Variants in FNBP1 observed in about 807,000 individuals in gnomAD.
FNBP1 encodes formin binding protein 1.
Under a neutral mutation model 90.6 loss-of-function variants are expected in FNBP1, and 26 were observed. The observed-to-expected ratio is 0.29, with a 90% confidence interval of 0.21 to 0.40. FNBP1 has a LOEUF of 0.40. Ranked by LOEUF, FNBP1 falls within the 10% of genes least tolerant of loss-of-function variation. FNBP1 has a pLI of 1.00. For synonymous variants in FNBP1, 260 were observed against 265.2 expected, an observed-to-expected ratio of 0.98 and a Z score of 0.19; for missense variants, 635 against 768.0, an observed-to-expected ratio of 0.83 and a Z score of 2.05.
At chr9:130,053,100 G>A in the FNBP1 span, among the ~76,000 whole-genome samples, 1 of 152,220 alleles carries the variant, frequency 6.6e-6, no homozygotes, top group South Asian at 2.1e-4. Flanking sequence ...TGGGTGACAA[G>A]AGCTAGACTC....
intron 11 of FNBP1, chr9:129,910,065 G>A (rs2038958588): frequency 2.2e-6 from 1 of 454,036 alleles, no homozygotes; most frequent in Admixed American, 2.4e-5. Context: ...TTTACACTGT[G>A]CATGAGCTTT....
intron 1 of FNBP1, among the ~76,000 whole-genome samples, chr9:130,010,943 A>G (rs1564568757): frequency 6.6e-6 from 1 of 151,518 alleles, no homozygotes; most frequent in African/African-American, 2.4e-5. Flanking sequence ...CTCAAGATAG[A>G]CATGGGATTA....
In FNBP1 at chr9:129,888,030, A is replaced by G. The variant is rs779987349; in HGVS notation, c.*2509T>C. On this transcript the variant is annotated 3_prime_UTR_variant, in exon 17 of 17. Transcript: ENST00000446176. ...CATGGAGCCACGCAGACTGGCCCGG[A>G]AGCAACACCCAGGTTCAACATTTAA... is the stretch of plus-strand genomic sequence containing the variant. 1.0e-4 allele frequency: 24 copies of G among 232,742 alleles called. No homozygotes were observed. Among genetic ancestry groups the G allele is most frequent in the Non-Finnish European group, 1.4e-4 (16 of 117,782 alleles). The allele number at this position is 232,742 out of a possible 1,614,324, so 14.4% of individuals were successfully genotyped here. A position where few individuals can be genotyped will look rare whatever the true frequency, so the allele number is the denominator to read the frequency against.
At chr9:129,908,196 C>T (rs902833814) in intron 12 of FNBP1, among the ~76,000 whole-genome samples, 4 of 89,624 alleles carry the variant, frequency 4.5e-5, no homozygotes, top group African/African-American at 1.5e-4. Context: ...CAAGGCTGGT[C>T]TCTCTCTCTT....
intron 9 of FNBP1, among the ~76,000 whole-genome samples, chr9:129,924,739 T>C (rs1408460758): frequency 6.6e-6 from 1 of 152,078 alleles, no homozygotes; most frequent in Non-Finnish European, 1.5e-5. Context: ...TCTGTTAGTG[T>C]GGGAGTCACG....
intron 6 of FNBP1, among the ~76,000 whole-genome samples, chr9:129,930,108 T>C (rs540567851): frequency 6.6e-6 from 1 of 152,004 alleles, no homozygotes; most frequent in African/African-American, 2.4e-5. Flanking sequence ...TCACCCAGGC[T>C]GGAGTGCAGT....
intron 1 of FNBP1, among the ~76,000 whole-genome samples, chr9:130,036,902 G>A (rs1004279249): frequency 2.7e-4 from 36 of 132,126 alleles, no homozygotes; most frequent in African/African-American, 9.0e-4. Flanking sequence ...AAAATTAGCC[G>A]GGCGCGGTGG....
At chr9:129,918,858 T>A in intron 10 of FNBP1, among the ~76,000 whole-genome samples, 1 of 145,048 alleles carries the variant, frequency 6.9e-6, no homozygotes, top group Non-Finnish European at 1.5e-5. Flanking sequence ...TTACCAGAAC[T>A]AGAATGAAAA....
In FNBP1 at chr9:129,923,907, A is replaced by G. The variant is rs4836680; in HGVS notation, c.1107T>C (p.His369=). Residue 369 remains histidine (H), a synonymous_variant, in exon 10 of 17, where the codon CAT becomes CAC. Transcript: ENST00000446176. ...SPKQQKEPLS[H]RFNEFMTSKP... The stretch of plus-strand genomic sequence containing the variant: ...TGGAGGTCATGAACTCGTTGAAGCG[A>G]TGGGAGAGGGGTTCCTTTTGCTGCT... 1 allele frequency: 1,598,355 copies of G among 1,598,774 alleles called. 798,971 individuals are homozygous for G. The highest frequency in any genetic ancestry group is 1 in the Non-Finnish European group (1,174,646 of 1,174,648).
intron 1 of FNBP1, among the ~76,000 whole-genome samples, chr9:130,001,858 T>C (rs1280693987): frequency 1.3e-5 from 2 of 151,666 alleles, no homozygotes; most frequent in Non-Finnish European, 2.9e-5. Context: ...ACCCCATCTC[T>C]ACAAAAATAC....
intron 11 of FNBP1, among the ~76,000 whole-genome samples, chr9:129,914,755 G>GTGTGTATATATATA (rs71499203): frequency 2.5e-4 from 25 of 98,430 alleles, no homozygotes; most frequent in Non-Finnish European, 4.8e-4. Flanking sequence ...ACATACATAT[G>GTGTGTATATATATA]TCTATATATA....
Position 129,895,988 on chromosome 9 carries a change from C to T in FNBP1, c.1696G>A (p.Glu566Lys). 1 of 1,607,768 alleles carries T rather than the reference C, an allele frequency of 6.2e-7. No homozygotes were observed. The highest frequency in any genetic ancestry group is 8.5e-7 in the Non-Finnish European group (1 of 1,177,806). The change falls in exon 16 of 17, where the codon GAA (glutamate) becomes AAA (lysine). Residue 566 changes from glutamate (E) to lysine (K), a missense_variant. Physicochemically the swap from Glu to Lys is moderately conservative, Grantham distance 56 (BLOSUM62 1). Coordinates refer to ENST00000446176, the MANE Select transcript of FNBP1 (RefSeq NM_015033.3). ...CCTTCAACTACGGAAATCGTTCCTTCATTCTGACCTGAAAAAGCAATATCA... is the reference window on the plus strand; with the variant it reads ...CCTTCAACTACGGAAATCGTTCCTTTATTCTGACCTGAAAAAGCAATATCA... ...KALYTFEGQN[E>K]GTISVVEGET...
intron 1 of FNBP1, among the ~76,000 whole-genome samples, chr9:129,999,739 T>C (rs1344874103): frequency 1.3e-5 from 2 of 152,180 alleles, no homozygotes; most frequent in Non-Finnish European, 2.9e-5. Flanking sequence ...CCATTACCAT[T>C]ACATGTTAAT....
intron 11 of FNBP1, among the ~76,000 whole-genome samples, chr9:129,914,755 G>GTGTGTATATATATATATATATA (rs71499203): frequency 2.0e-5 from 2 of 98,434 alleles, no homozygotes; most frequent in Non-Finnish European, 4.2e-5. Flanking sequence ...ACATACATAT[G>GTGTGTATATATATATATATATA]TCTATATATA....
chr9:129,988,207 G>A (rs2052585933), intron 2 of FNBP1, among the ~76,000 whole-genome samples: 1 of 151,808 alleles, frequency 6.6e-6, no homozygotes, highest in Non-Finnish European at 1.5e-5. Flanking sequence ...TTCTGGAAAG[G>A]GACTGGAGAT....
intron 1 of FNBP1, among the ~76,000 whole-genome samples, chr9:130,028,319 C>T (rs1353887190): frequency 6.6e-6 from 1 of 152,176 alleles, no homozygotes; most frequent in Admixed American, 6.5e-5. Flanking sequence ...ACAGAAATCT[C>T]AGTCAACAAG....
intron 4 of FNBP1, among the ~76,000 whole-genome samples, chr9:129,958,978 T>C (rs2047357467): frequency 8.8e-4 from 1 of 1,136 alleles, no homozygotes; most frequent in Non-Finnish European, 3.0e-3. Flanking sequence ...ACAGTGAAAC[T>C]CTGCCTCAAA....
At chr9:130,029,183 T>C (rs2058598029) in intron 1 of FNBP1, among the ~76,000 whole-genome samples, 1 of 151,944 alleles carries the variant, frequency 6.6e-6, no homozygotes, top group African/African-American at 2.4e-5. Flanking sequence ...TGAAACAGGG[T>C]CTTGCTCTGT....
At chr9:129,896,657 GTTGT>G (rs998951924) in intron 15 of FNBP1, among the ~76,000 whole-genome samples, 8 of 150,902 alleles carry the variant, frequency 5.3e-5, no homozygotes, top group East Asian at 1.9e-4. Flanking sequence ...TTTTGTTGTT[GTTGT>G]TTGTTTGTTT....
Sources: gnomAD v4.1 joint callset for allele counts (sites outside exome capture counted in the v4.1 genomes callset) on GRCh38, gnomAD v4.1.1 for gene constraint, MANE v1.5 for transcripts, NCBI Gene and HGNC (gene_info 2026-07-23, HGNC 2026-07-21) for gene names.